AKAP13: variants seen among roughly 807,000 people sequenced by gnomAD.
AKAP13 encodes A-kinase anchoring protein 13, also known as A-kinase anchor protein 13.
AKAP13 carries 80 observed loss-of-function variants against 264.5 expected under a neutral mutation model. That is an observed-to-expected ratio of 0.30 (90% CI 0.25 to 0.36). AKAP13 has a LOEUF of 0.36. Ranked by LOEUF, AKAP13 falls within the 10% of genes least tolerant of loss-of-function variation. The probability of loss-of-function intolerance (pLI) is 1.00; values close to 1 mark genes in which losing one functional copy is unlikely to be tolerated. For missense variants in AKAP13, 3,712 were observed against 3,435.2 expected (o/e 1.08, Z -2.01); for synonymous variants, 1,380 against 1,250.2 (o/e 1.10, Z -2.19).
intron 1 of AKAP13, among the ~76,000 whole-genome samples, chr15:85,442,501 T>TA (rs2073725220): frequency 9.1e-6 from 1 of 109,384 alleles, no homozygotes; most frequent in Non-Finnish European, 1.9e-5. Flanking sequence ...ATATATATTA[T>TA]ATTATATATA....
intron 1 of AKAP13, among the ~76,000 whole-genome samples, chr15:85,435,203 C>G (rs1251206415): frequency 2.0e-5 from 3 of 148,990 alleles, no homozygotes; most frequent in Non-Finnish European, 3.0e-5. Flanking sequence ...ATGCGATCAA[C>G]TGGAAGAAAG....
rs759827090 is a variant in AKAP13, at chr15:85,730,611, G to T, written c.7186G>T (p.Asp2396Tyr). 1.3e-5 allele frequency: 21 copies of T among 1,614,038 alleles called. 1 individual carries two copies. The highest frequency in any genetic ancestry group is 5.0e-5 in the Admixed American group (3 of 60,000). ...MAECSTPLPE[D>Y]CSPTHSPRVL... ...TGAGTGCAGCACCCCTCTCCCAGAG[G>T]ATTGCTCCCCAACACATAGCCCTAG... Residue 2396 changes from aspartate to tyrosine, a missense_variant, in exon 30 of 37, where the codon GAT (aspartate) becomes TAT (tyrosine). By Grantham distance (160) the Asp-to-Tyr change is radical. This residue lies in a region of AKAP13 where 611 missense variants were observed against 539.3 expected (regional missense o/e 1.13). Transcript: ENST00000394518.
chr15:85,411,323 A>G lies in AKAP13; in HGVS notation c.-12+30525A>G, dbSNP rs1324467578. On this transcript the variant is annotated intron_variant, in intron 1 of 36. Transcript: ENST00000394518. ...TACTTTTATTAAATCTCAACCTTTGAGCACACATTTAAAAATGTGGGAAGA... is the reference window on the plus strand; with the variant it reads ...TACTTTTATTAAATCTCAACCTTTGGGCACACATTTAAAAATGTGGGAAGA... Among the ~76,000 whole-genome samples, 3 of 152,234 alleles carry G rather than the reference A, an allele frequency of 2.0e-5. No homozygotes were observed. In the East Asian group the frequency reaches 5.8e-4, roughly 29 times the overall value.
intron 1 of AKAP13, among the ~76,000 whole-genome samples, chr15:85,396,901 C>CTTTT (rs34499592): frequency 1.5e-4 from 17 of 114,598 alleles, no homozygotes; most frequent in African/African-American, 4.5e-4. Flanking sequence ...GTATGTTAGA[C>CTTTT]TTTTTTTTTT....
intron 1 of AKAP13, among the ~76,000 whole-genome samples, chr15:85,416,073 A>C (rs954820901): frequency 2.6e-5 from 4 of 152,192 alleles, no homozygotes; most frequent in Non-Finnish European, 5.9e-5. Context: ...TGGAGCAACT[A>C]TATTTGCTTT....
intron 19 of AKAP13, among the ~76,000 whole-genome samples, chr15:85,714,363 C>T (rs1219664373): frequency 6.6e-6 from 1 of 152,180 alleles, no homozygotes; most frequent in Non-Finnish European, 1.5e-5. Context: ...AGAAGAAATT[C>T]CACATATAAG....
Position 85,716,059 on chromosome 15 carries a change from C to T in AKAP13, c.5735+136C>T, listed in dbSNP as rs948078225. The T allele has an allele frequency of 1.2e-5, 13 of 1,114,184 alleles. No homozygotes were observed. In the African/African-American group the frequency reaches 1.5e-4, roughly 13 times the overall value. 69.0% of individuals were successfully genotyped at this position (1,114,184 alleles called of 1,614,324 possible). ...GGTCATGGGTTGGTGCAGACAAGGA[C>T]GATGGGGATTATGTTTCTGATGCAT... On this transcript the variant is annotated intron_variant, in intron 20 of 36. Transcript: ENST00000394518.
intron 1 of AKAP13, among the ~76,000 whole-genome samples, chr15:85,420,496 A>G (rs1021838989): frequency 1.2e-4 from 19 of 152,282 alleles, no homozygotes; most frequent in East Asian, 5.8e-4. Flanking sequence ...TTTTTATTCA[A>G]TATGAAGCAA....
At chr15:85,633,088 G>A (rs1391841353) in intron 8 of AKAP13, among the ~76,000 whole-genome samples, 4 of 151,920 alleles carry the variant, frequency 2.6e-5, no homozygotes, top group Non-Finnish European at 5.9e-5. Flanking sequence ...GGATGATCTC[G>A]AACTCCTAAC....
chr15:85,597,715 T>G (rs999692045), intron 8 of AKAP13, among the ~76,000 whole-genome samples: 18 of 152,196 alleles, frequency 1.2e-4, no homozygotes, highest in African/African-American at 7.2e-5. Flanking sequence ...CTGGGTAGAC[T>G]GAGGATTCCC....
intron 5 of AKAP13, among the ~76,000 whole-genome samples, chr15:85,569,698 A>T (rs543482166): frequency 1.3e-5 from 2 of 152,116 alleles, no homozygotes; most frequent in East Asian, 3.9e-4. Flanking sequence ...GGTGATCCAA[A>T]GTGCTGGGAT....
At chr15:85,388,504 G>A (rs1043543731) in intron 1 of AKAP13, among the ~76,000 whole-genome samples, 1 of 152,136 alleles carries the variant, frequency 6.6e-6, no homozygotes, top group Admixed American at 6.5e-5. Flanking sequence ...GTTTGTTTTT[G>A]TAGATGTCTT....
intron 29 of AKAP13, among the ~76,000 whole-genome samples, chr15:85,729,931 C>T (rs939668654): frequency 1.3e-5 from 2 of 151,174 alleles, no homozygotes; most frequent in South Asian, 2.1e-4. Context: ...GCAATAGGAG[C>T]GAAACTTTCC....
rs1596506739 is a variant in AKAP13, at chr15:85,553,229, GGCA to G, written c.662+9275_662+9277del. 4.6e-5 allele frequency among the ~76,000 whole-genome samples: 7 copies of G among 151,934 alleles called. No individual in the cohort carries two copies. The South Asian group carries it at 1.5e-3, about 32-fold the overall frequency. ...GGCCTCCTGAGTAGCTGGGATTACG[GGCA>G]CTCGCCACCATGCCCAGCCAATTTT... On this transcript the variant is annotated intron_variant, in intron 5 of 36. Coordinates refer to ENST00000394518, the MANE Select transcript of AKAP13 (RefSeq NM_007200.5).
At chr15:85,501,408 A>G (rs1424191313) in intron 2 of AKAP13, among the ~76,000 whole-genome samples, 2 of 152,156 alleles carry the variant, frequency 1.3e-5, no homozygotes, top group African/African-American at 4.8e-5. Context: ...TGAGACAGAG[A>G]TAGGTGTTTT....
At chr15:85,443,791 G>GTA in intron 1 of AKAP13, among the ~76,000 whole-genome samples, 1 of 151,728 alleles carries the variant, frequency 6.6e-6, no homozygotes, top group South Asian at 2.1e-4. Flanking sequence ...GTGTGTGTGT[G>GTA]TGTGTAGGGT....
intron 8 of AKAP13, among the ~76,000 whole-genome samples, chr15:85,590,532 TAGAC>T (rs758855881): frequency 1.6e-4 from 24 of 152,240 alleles, no homozygotes; most frequent in African/African-American, 4.3e-4. Context: ...ATGAAGGAAT[TAGAC>T]AGTATCTGCA....
chr15:85,581,214 A>G lies in AKAP13; in HGVS notation c.3146A>G (p.Asp1049Gly). Residue 1049 changes from aspartate to glycine, a missense_variant, in exon 7 of 37, where the codon GAT (aspartate) becomes GGT (glycine). Coordinates refer to ENST00000394518, the MANE Select transcript of AKAP13 (RefSeq NM_007200.5). ...SSALLPCLLPDGSDGSDALNC... is the reference protein window; with the variant it reads ...SSALLPCLLPGGSDGSDALNC... Reference sequence around the variant, plus strand: ...GCTCTGTTGCCATGTCTGTTGCCAGATGGGTCTGATGGGTCCGATGCTCTT... The same window carrying G: ...GCTCTGTTGCCATGTCTGTTGCCAGGTGGGTCTGATGGGTCCGATGCTCTT... 6.2e-7 allele frequency: 1 copy of G among 1,614,054 alleles called. No homozygotes were observed. The highest frequency in any genetic ancestry group is 8.5e-7 in the Non-Finnish European group (1 of 1,179,956).
chr15:85,732,680 G>A (rs79321565), intron 30 of AKAP13, among the ~76,000 whole-genome samples: 16,796 of 149,506 alleles, frequency 0.11, 1,322 homozygotes, highest in Non-Finnish European at 0.16. Context: ...CATAGAATTC[G>A]AATATTATAT....
Sources: allele counts gnomAD v4.1 joint callset (sites outside exome capture counted in the v4.1 genomes callset), GRCh38; gene constraint gnomAD v4.1.1; regional missense constraint gnomAD v4.1.1; transcripts MANE v1.5; gene names NCBI Gene and HGNC (gene_info 2026-07-23, HGNC 2026-07-21).